CABLES1: variants seen among roughly 807,000 people sequenced by gnomAD.
CABLES1 encodes CDK5 and ABL1 enzyme substrate 1.
CABLES1 carries 36 observed loss-of-function variants against 57.8 expected under a neutral mutation model. That is an observed-to-expected ratio of 0.62 (90% CI 0.48 to 0.82). The LOEUF (loss-of-function observed/expected upper bound fraction) is 0.82, where lower values mean the gene tolerates loss of function less well. CABLES1 is among the 40% of genes least tolerant of loss of function. The pLI, the probability that CABLES1 is intolerant of heterozygous loss-of-function variation, is 0.00. For synonymous variants in CABLES1, 374 were observed against 363.0 expected (o/e 1.03, Z -0.35); for missense variants, 767 against 836.6 (o/e 0.92, Z 1.03).
chr18:23,143,521 C>T (rs1332637683), intron 1 of CABLES1, among the ~76,000 whole-genome samples: 1 of 152,224 alleles, frequency 6.6e-6, no homozygotes, highest in Non-Finnish European at 1.5e-5. Flanking sequence ...CCAACTGCCC[C>T]TCTGGCTGTT....
chr18:23,211,431 G>T (rs1237550249), intron 3 of CABLES1, among the ~76,000 whole-genome samples: 2 of 152,204 alleles, frequency 1.3e-5, no homozygotes, highest in African/African-American at 4.8e-5. Context: ...CTCCATCTGG[G>T]AAGGGGTCCA....
At chr18:23,188,378 C>T (rs1165457258) in intron 1 of CABLES1, among the ~76,000 whole-genome samples, 1 of 152,104 alleles carries the variant, frequency 6.6e-6, no homozygotes, top group South Asian at 2.1e-4. Flanking sequence ...TTTATTGCAT[C>T]CTAATGATTT....
At chr18:23,139,261 G>A (rs2046842666) in intron 1 of CABLES1, among the ~76,000 whole-genome samples, 1 of 151,944 alleles carries the variant, frequency 6.6e-6, no homozygotes, top group Admixed American at 6.6e-5. Flanking sequence ...AAATTAGCTG[G>A]GTGTATTGTT....
At chr18:23,241,074 A>G (rs1209200062) in intron 7 of CABLES1, among the ~76,000 whole-genome samples, 1 of 152,148 alleles carries the variant, frequency 6.6e-6, no homozygotes, top group Non-Finnish European at 1.5e-5. Context: ...AGCAATTACT[A>G]TTCTCACTTC....
intron 2 of CABLES1, among the ~76,000 whole-genome samples, chr18:23,191,207 A>G (rs929049432): frequency 6.6e-6 from 1 of 152,196 alleles, no homozygotes; most frequent in Non-Finnish European, 1.5e-5. Flanking sequence ...GCTATGCTCA[A>G]CACTGCACTC....
At chr18:23,218,195 G>C (rs1177904211) in intron 4 of CABLES1, among the ~76,000 whole-genome samples, 2 of 152,318 alleles carry the variant, frequency 1.3e-5, no homozygotes, top group East Asian at 3.9e-4. Flanking sequence ...GGGGTGGCCT[G>C]AACTTTCTGG....
At chr18:23,178,164 G>A (rs1322982319) in intron 1 of CABLES1, among the ~76,000 whole-genome samples, 2 of 151,394 alleles carry the variant, frequency 1.3e-5, no homozygotes, top group Non-Finnish European at 2.9e-5. Context: ...TCTGTAGCAA[G>A]ATCAAAGCGG....
intron 1 of CABLES1, among the ~76,000 whole-genome samples, chr18:23,173,610 A>G (rs1243496384): frequency 2.0e-5 from 3 of 152,340 alleles, no homozygotes; most frequent in South Asian, 2.1e-4. Flanking sequence ...TAAACTTTAT[A>G]TATCATATAA....
Position 23,257,416 on chromosome 18 carries a change from G to A in CABLES1, c.*49G>A. 2.6e-6 allele frequency: 4 copies of A among 1,534,546 alleles called. No individual in the cohort carries two copies. Among genetic ancestry groups the A allele is most frequent in the Non-Finnish European group, 2.6e-6 (3 of 1,145,134 alleles). On this transcript the variant is annotated 3_prime_UTR_variant, in exon 10 of 10. Transcript: ENST00000256925. Reference sequence around the variant, plus strand: ...GGCCATTTCTTCTCAGCTTGGTGGAGCAGCACTTACTTACTACTGGAAATG... The same window carrying A: ...GGCCATTTCTTCTCAGCTTGGTGGAACAGCACTTACTTACTACTGGAAATG...
intron 3 of CABLES1, among the ~76,000 whole-genome samples, chr18:23,199,864 A>G (rs1186663799): frequency 2.0e-5 from 3 of 152,218 alleles, no homozygotes; most frequent in Non-Finnish European, 4.4e-5. Flanking sequence ...TTTTCCCACA[A>G]TAAAATAAAA....
chr18:23,232,946 C>A (rs1179430233), intron 4 of CABLES1, among the ~76,000 whole-genome samples: 22 of 152,074 alleles, frequency 1.4e-4, no homozygotes, highest in Admixed American at 1.4e-3. Context: ...CTCCTCTCTT[C>A]TTACCTGATG....
At chr18:23,159,126 C>T (rs1422055191) in intron 1 of CABLES1, among the ~76,000 whole-genome samples, 3 of 152,180 alleles carry the variant, frequency 2.0e-5, no homozygotes, top group Non-Finnish European at 4.4e-5. Flanking sequence ...CCACCACGCC[C>T]GGTTAATTTT....
At chr18:23,161,374 AAGTG>A (rs932743890) in intron 1 of CABLES1, among the ~76,000 whole-genome samples, 19 of 151,948 alleles carry the variant, frequency 1.3e-4, no homozygotes, top group Admixed American at 7.2e-4. Flanking sequence ...GTTGTGTTAA[AAGTG>A]AGTGACAATT....
intron 1 of CABLES1, chr18:23,149,941 G>A (rs1343211464): frequency 1.3e-5 from 2 of 152,286 alleles, no homozygotes; most frequent in Non-Finnish European, 2.9e-5. Flanking sequence ...CAAATGGACA[G>A]AAGTTATCGC....
intron 1 of CABLES1, among the ~76,000 whole-genome samples, chr18:23,151,725 A>T (rs1263605996): frequency 6.6e-6 from 1 of 152,128 alleles, no homozygotes; most frequent in Non-Finnish European, 1.5e-5. Context: ...TGACTGCTGA[A>T]CTAAGGTCTA....
chr18:23,141,726 C>T (rs2144948819), intron 1 of CABLES1, among the ~76,000 whole-genome samples: 1 of 152,372 alleles, frequency 6.6e-6, no homozygotes. Flanking sequence ...AGCCTGCTCA[C>T]TGCTGGCAAG....
chr18:23,152,486 A>ATTT (rs67308509), intron 1 of CABLES1, among the ~76,000 whole-genome samples: 32 of 134,830 alleles, frequency 2.4e-4, no homozygotes, highest in East Asian at 6.5e-4. Context: ...GTTTGGTCTA[A>ATTT]TTTTTTTTTT....
At chr18:23,232,506 C>G (rs903829605) in intron 4 of CABLES1, among the ~76,000 whole-genome samples, 1 of 152,232 alleles carries the variant, frequency 6.6e-6, no homozygotes, top group Non-Finnish European at 1.5e-5. Flanking sequence ...TATGCCAGTG[C>G]CCCTGTGCAT....
intron 1 of CABLES1, among the ~76,000 whole-genome samples, chr18:23,143,231 T>C (rs1466632958): frequency 6.6e-6 from 1 of 152,220 alleles, no homozygotes; most frequent in African/African-American, 2.4e-5. Context: ...AGGTTTTAAA[T>C]AGGGATTCCT....
Sources: gnomAD v4.1 joint callset for allele counts (sites outside exome capture counted in the v4.1 genomes callset) on GRCh38, gnomAD v4.1.1 for gene constraint, MANE v1.5 for transcripts, NCBI Gene and HGNC (gene_info 2026-07-23, HGNC 2026-07-21) for gene names.